CCND2: variants seen among roughly 807,000 people sequenced by gnomAD.
CCND2 encodes the protein G1/S-specific cyclin-D2.
A neutral mutation model predicts 30.2 loss-of-function variants in CCND2; 6 were observed. The ratio of observed to expected loss-of-function variants is 0.20; its 90% CI spans 0.11 to 0.39. CCND2 has a LOEUF of 0.39. Ranked by LOEUF, CCND2 falls within the 10% of genes least tolerant of loss-of-function variation. CCND2 has a pLI of 1.00. For missense variants in CCND2, 235 were observed against 373.4 expected, an observed-to-expected ratio of 0.63 and a Z score of 3.06; for synonymous variants, 150 against 153.1, an observed-to-expected ratio of 0.98 and a Z score of 0.15.
intron 4 of CCND2, among the ~76,000 whole-genome samples, chr12:4,294,391 C>T (rs188499277): frequency 7.6e-4 from 116 of 152,234 alleles, no homozygotes; most frequent in Middle Eastern, 3.4e-3. Context: ...AGCATTATGG[C>T]TTCCCTTTTA....
rs1156850217 is a variant in CCND2 at position 4,300,351 on chromosome 12, A to T, written c.*342A>T. On this transcript the variant is annotated 3_prime_UTR_variant, in exon 5 of 5. Transcript: ENST00000261254. ...CTGCAATATGGGAACAAATTAGAGG[A>T]GACTTTTTTTTTTCATGTTATGAGC... 3.7e-6 allele frequency: 1 copy of T among 271,462 alleles called. No individual in the cohort carries two copies. Among genetic ancestry groups the T allele is most frequent in the African/African-American group, 2.1e-5 (1 of 46,598 alleles). 16.8% of individuals were successfully genotyped at this position (271,462 alleles called of 1,614,324 possible).
At chr12:4,279,502 G>C (rs1863919205) in intron 3 of CCND2, among the ~76,000 whole-genome samples, 1 of 152,114 alleles carries the variant, frequency 6.6e-6, no homozygotes. Context: ...TTTCGGTGAG[G>C]CTTTACTTTC....
At position 4,300,028 on chromosome 12, in the gene CCND2, AAG is replaced by A. The variant is rs71534272; in HGVS notation, c.*27_*28del. 3,939 of 1,610,610 alleles carry A rather than the reference AAG, an allele frequency of 2.4e-3. 10 individuals are homozygous for A. The highest frequency in any genetic ancestry group is 3.1e-3 in the Middle Eastern group (19 of 6,038). On this transcript the variant is annotated 3_prime_UTR_variant, in exon 5 of 5. Coordinates refer to ENST00000261254, the MANE Select transcript of CCND2 (RefSeq NM_001759.4). Reference sequence around the variant, plus strand: ...CCTGTGAGGATGCCAGTTGGGCCGAAAGAGAGAGACGCGTCCATAATCTGGTC... The same window carrying A: ...CCTGTGAGGATGCCAGTTGGGCCGAAAGAGAGACGCGTCCATAATCTGGTC...
rs1357278903 is a variant in CCND2 at position 4,302,301 on chromosome 12, A to C, written c.*2292A>C. On this transcript the variant is annotated 3_prime_UTR_variant, in exon 5 of 5. Transcript: ENST00000261254. ...AGGCAGACGTTCAGTACAAACATTT[A>C]TGCGGTAGGCTCAGATGTCGTAATT... 2 of 232,834 alleles carry C rather than the reference A, an allele frequency of 8.6e-6. No individual in the cohort carries two copies. The highest frequency in any genetic ancestry group is 1.7e-5 in the Non-Finnish European group (2 of 117,840). The allele number at this position is 232,834 out of a possible 1,614,324, so 14.4% of individuals were successfully genotyped here.
rs1206015474 is a variant in CCND2 at position 4,293,942 on chromosome 12, G to C, written c.720+4952G>C. Among the ~76,000 whole-genome samples, 2 of 152,140 alleles carry C rather than the reference G, an allele frequency of 1.3e-5. No individual in the cohort carries two copies. The highest frequency in any genetic ancestry group is 2.9e-5 in the Non-Finnish European group (2 of 68,030). ...TCCCTCTCCTGCCTCATTTTTCTGT[G>C]GGCCTCATTTGGTATGCAAGGAAAT... is the stretch of plus-strand genomic sequence containing the variant. On this transcript the variant is annotated intron_variant, in intron 4 of 4. Transcript: ENST00000261254. This position sits in a 1 kb window ranked among gnomAD's most constrained non-coding sequence, Gnocchi z 4.9.
At position 4,293,775 on chromosome 12, in the gene CCND2, CT is replaced by C; in HGVS notation, c.720+4786del. Among the ~76,000 whole-genome samples, 1 of 152,132 alleles carries C rather than the reference CT, an allele frequency of 6.6e-6. No homozygotes were observed. Among genetic ancestry groups the C allele is most frequent in the African/African-American group, 2.4e-5 (1 of 41,432 alleles). On this transcript the variant is annotated intron_variant, in intron 4 of 4. Coordinates refer to ENST00000261254, the MANE Select transcript of CCND2 (RefSeq NM_001759.4). This position sits in a 1 kb window ranked among gnomAD's most constrained non-coding sequence, Gnocchi z 4.9. ...CTCCGTAGCTGGAAGTGCCGCCACC[CT>C]CGCCCCACATGTCATTTTCAAGCCT...
At chr12:4,290,939 T>C (rs1346680205) in intron 4 of CCND2, among the ~76,000 whole-genome samples, 1 of 152,192 alleles carries the variant, frequency 6.6e-6, no homozygotes, top group African/African-American at 2.4e-5. Context: ...GTTGGTCAAG[T>C]TGATACCTCA....
At chr12:4,295,997 A>G (rs762638812) in intron 4 of CCND2, among the ~76,000 whole-genome samples, 1 of 152,244 alleles carries the variant, frequency 6.6e-6, no homozygotes, top group Non-Finnish European at 1.5e-5. Flanking sequence ...AGTAGAAGTG[A>G]CAGCCAGACA....
intron 3 of CCND2, among the ~76,000 whole-genome samples, chr12:4,284,867 C>T (rs1290587514): frequency 2.0e-5 from 3 of 151,916 alleles, no homozygotes; most frequent in Non-Finnish European, 2.9e-5. Flanking sequence ...TCCAGAATAG[C>T]TGGGATTACA....
chr12:4,290,971 G>A (rs1268002098), intron 4 of CCND2, among the ~76,000 whole-genome samples: 10 of 152,174 alleles, frequency 6.6e-5, no homozygotes, highest in Non-Finnish European at 1.2e-4. Flanking sequence ...GGCACACGCC[G>A]TGTTTCCTAA....
chr12:4,278,854 A>C lies in CCND2; in HGVS notation c.506A>C (p.Gln169Pro), dbSNP rs764397997. Residue 169 changes from glutamine (Q) to proline (P), a missense_variant, in exon 3 of 5, where the codon CAG (glutamine) becomes CCG (proline). This residue lies in a region of CCND2 where 178 missense variants were observed against 322.8 expected (regional missense o/e 0.55). Transcript: ENST00000261254. ...GAGCACATCTTGCGCAAGCTGCCCC[A>C]GCAGCGGGAGAAGCTGTCTCTGATC... ...FIEHILRKLP[Q>P]QREKLSLIRK... The C allele has an allele frequency of 6.2e-7, 1 of 1,614,202 alleles. No individual in the cohort carries two copies. Among genetic ancestry groups the C allele is most frequent in the East Asian group, 2.2e-5 (1 of 44,882 alleles).
chr12:4,301,232 T>C lies in CCND2; in HGVS notation c.*1223T>C. The C allele has an allele frequency of 4.3e-6, 1 of 233,702 alleles. No individual in the cohort carries two copies. Among genetic ancestry groups the C allele is most frequent in the Non-Finnish European group, 8.5e-6 (1 of 118,042 alleles). 14.5% of individuals were successfully genotyped at this position (233,702 alleles called of 1,614,324 possible). On this transcript the variant is annotated 3_prime_UTR_variant, in exon 5 of 5. Coordinates refer to ENST00000261254, the MANE Select transcript of CCND2 (RefSeq NM_001759.4). ...AAACTAAAATCTGTTACCATTCTGA[T>C]GGCACAGAAGGATCTTAATTCCCAT... is the stretch of plus-strand genomic sequence containing the variant.
rs188208007 is a variant in CCND2, at chr12:4,274,337, C to G, written c.195+102C>G. 39 of 1,263,072 alleles carry G rather than the reference C, an allele frequency of 3.1e-5. No homozygotes were observed. The highest frequency in any genetic ancestry group is 4.3e-5 in the Non-Finnish European group (38 of 892,880). 78.2% of individuals were successfully genotyped at this position (1,263,072 alleles called of 1,614,324 possible). On this transcript the variant is annotated intron_variant, in intron 1 of 4. Transcript: ENST00000261254. The surrounding 1 kb of genome is among the most constrained non-coding windows in gnomAD (Gnocchi z 7.7). ...GGGAGAGGGCAATCCCCGCGCCGGC[C>G]TCCCGGCTCCTGTGCGGGAGTTTAC...
At chr12:4,279,618 C>G (rs991795337) in intron 3 of CCND2, among the ~76,000 whole-genome samples, 2 of 144,250 alleles carry the variant, frequency 1.4e-5, no homozygotes, top group East Asian at 2.8e-4. Flanking sequence ...ACAATTGATA[C>G]ATCATTCCTA....
At chr12:4,295,267 G>A (rs3217899) in intron 4 of CCND2, among the ~76,000 whole-genome samples, 10 of 152,208 alleles carry the variant, frequency 6.6e-5, no homozygotes, top group Non-Finnish European at 1.2e-4. Context: ...CTAGAATGAG[G>A]GATTTGTGTA....
Position 4,301,147 on chromosome 12 carries a change from A to T in CCND2, c.*1138A>T, listed in dbSNP as rs1271573849. ...ACACAGTTCTGGTGTTCCTACCAGG[A>T]CTCAAGAGACACCCCTTCCTGCTGA... is the stretch of plus-strand genomic sequence containing the variant. On this transcript the variant is annotated 3_prime_UTR_variant, in exon 5 of 5. Transcript: ENST00000261254. 2 of 233,138 alleles carry T rather than the reference A, an allele frequency of 8.6e-6. No individual in the cohort carries two copies. Among genetic ancestry groups the T allele is most frequent in the Non-Finnish European group, 1.7e-5 (2 of 117,956 alleles). 14.4% of individuals were successfully genotyped at this position (233,138 alleles called of 1,614,324 possible).
chr12:4,274,487 C>A lies in CCND2; in HGVS notation c.195+252C>A, dbSNP rs994708496. ...CCTGGGCGGGGGTAGGGGAGCATCCCGCGCGCGTGTTCCTGCATGTGGCTG... is the reference window on the plus strand; with the variant it reads ...CCTGGGCGGGGGTAGGGGAGCATCCAGCGCGCGTGTTCCTGCATGTGGCTG... On this transcript the variant is annotated intron_variant, in intron 1 of 4. Coordinates refer to ENST00000261254, the MANE Select transcript of CCND2 (RefSeq NM_001759.4). The surrounding 1 kb of genome is among the most constrained non-coding windows in gnomAD (Gnocchi z 7.7). Among the ~76,000 whole-genome samples the A allele has an allele frequency of 6.6e-6, 1 of 152,192 alleles. No homozygotes were observed. The highest frequency in any genetic ancestry group is 1.5e-5 in the Non-Finnish European group (1 of 68,038).
intron 1 of CCND2, among the ~76,000 whole-genome samples, chr12:4,275,722 C>G (rs942332278): frequency 1.7e-4 from 26 of 152,044 alleles, no homozygotes; most frequent in South Asian, 2.1e-4. Context: ...GCGGAGCTGC[C>G]GCGGCTGCTG....
At chr12:4,283,862 G>A (rs1436034583) in intron 3 of CCND2, among the ~76,000 whole-genome samples, 1 of 152,198 alleles carries the variant, frequency 6.6e-6, no homozygotes, top group African/African-American at 2.4e-5. Context: ...AGTGTTCATG[G>A]GGTTCTTTTC....
Sources: gnomAD v4.1 joint callset for allele counts (sites outside exome capture counted in the v4.1 genomes callset) on GRCh38, gnomAD v4.1.1 for gene constraint, gnomAD v4.1.1 regional missense constraint, Gnocchi (gnomAD v3.1) non-coding constraint, MANE v1.5 for transcripts, NCBI Gene and HGNC (gene_info 2026-07-23, HGNC 2026-07-21) for gene names.